Variants in CDKAL1 observed in about 807,000 individuals in gnomAD.
CDKAL1 encodes threonylcarbamoyladenosine tRNA methylthiotransferase.
CDKAL1 carries 32 observed loss-of-function variants against 68.2 expected under a neutral mutation model. The ratio of observed to expected loss-of-function variants is 0.47; its 90% CI spans 0.35 to 0.63. The LOEUF (loss-of-function observed/expected upper bound fraction) is 0.63, where lower values mean the gene tolerates loss of function less well. Among genes scored for constraint, CDKAL1 ranks in the 30% least tolerant of loss-of-function variants. CDKAL1 has a pLI of 0.00. For missense variants in CDKAL1, 606 were observed against 696.7 expected, an observed-to-expected ratio of 0.87 and a Z score of 1.47; for synonymous variants, 234 against 244.3, an observed-to-expected ratio of 0.96 and a Z score of 0.39.
chr6:20,600,915 G>T (rs916513743), intron 4 of CDKAL1, among the ~76,000 whole-genome samples: 1 of 151,824 alleles, frequency 6.6e-6, no homozygotes, highest in South Asian at 2.1e-4. Flanking sequence ...TACAATATTA[G>T]ATTAGGATGA....
chr6:20,833,766 C>G (rs558925817), intron 8 of CDKAL1, among the ~76,000 whole-genome samples: 11 of 152,264 alleles, frequency 7.2e-5, no homozygotes, highest in African/African-American at 2.6e-4. Context: ...CTGAGAATCT[C>G]TCTCCTTTCC....
At chr6:20,589,878 T>C (rs888908641) in intron 4 of CDKAL1, among the ~76,000 whole-genome samples, 10 of 152,230 alleles carry the variant, frequency 6.6e-5, no homozygotes, top group African/African-American at 2.4e-4. Flanking sequence ...GAAATGGTAG[T>C]GCACGGGTTA....
intron 4 of CDKAL1, among the ~76,000 whole-genome samples, chr6:20,551,303 G>A (rs892207264): frequency 4.6e-5 from 7 of 152,060 alleles, no homozygotes; most frequent in South Asian, 4.1e-4. Context: ...AAGACAGCAT[G>A]TAATGATTAA....
At chr6:21,189,916 A>G (rs930792626) in intron 13 of CDKAL1, among the ~76,000 whole-genome samples, 3 of 152,194 alleles carry the variant, frequency 2.0e-5, no homozygotes, top group Admixed American at 6.5e-5. Context: ...GTGAATGAGG[A>G]ATCAAAATGG....
rs548498365 is a variant in CDKAL1 at position 21,232,372 on chromosome 6, T to C, written c.*1333T>C. On this transcript the variant is annotated 3_prime_UTR_variant, in exon 16 of 16. Transcript: ENST00000274695. Reference sequence around the variant, plus strand: ...TTACTAAGTGAAGTGACTTCTTTCTTTAACAATAAATAGAATTGGTATACT... The same window carrying C: ...TTACTAAGTGAAGTGACTTCTTTCTCTAACAATAAATAGAATTGGTATACT... The C allele has an allele frequency of 1.8e-4, 27 of 152,346 alleles. No individual in the cohort carries two copies. The highest frequency in any genetic ancestry group is 6.0e-4 in the African/African-American group (25 of 41,580). The allele number at this position is 152,346 out of a possible 1,614,324, so 9.4% of individuals were successfully genotyped here.
intron 13 of CDKAL1, among the ~76,000 whole-genome samples, chr6:21,154,713 G>A (rs1776561395): frequency 6.6e-6 from 1 of 152,128 alleles, no homozygotes; most frequent in Non-Finnish European, 1.5e-5. Flanking sequence ...GAGTAGGCTG[G>A]GCACAGTGGC....
At chr6:20,586,859 T>A (rs1765379739) in intron 4 of CDKAL1, among the ~76,000 whole-genome samples, 1 of 152,106 alleles carries the variant, frequency 6.6e-6, no homozygotes, top group Admixed American at 6.6e-5. Flanking sequence ...CTTTTCTACT[T>A]CTCTTGACTT....
At chr6:20,658,566 G>GT (rs142204888) in intron 5 of CDKAL1, among the ~76,000 whole-genome samples, 1 of 151,652 alleles carries the variant, frequency 6.6e-6, no homozygotes, top group Admixed American at 6.6e-5. Flanking sequence ...TGAAAATATT[G>GT]TTTATGTAGA....
intron 8 of CDKAL1, among the ~76,000 whole-genome samples, chr6:20,820,366 C>T (rs1777227208): frequency 1.3e-5 from 2 of 152,254 alleles, no homozygotes; most frequent in East Asian, 3.9e-4. Flanking sequence ...GAGTAATTTA[C>T]AGACATTAGC....
intron 5 of CDKAL1, among the ~76,000 whole-genome samples, chr6:20,675,658 G>A (rs767815667): frequency 4.6e-5 from 7 of 152,150 alleles, no homozygotes; most frequent in Admixed American, 1.3e-4. Context: ...GCTGCCAATT[G>A]TGTAAAAGTA....
At chr6:20,811,790 A>C (rs1463690439) in intron 8 of CDKAL1, among the ~76,000 whole-genome samples, 2 of 151,888 alleles carry the variant, frequency 1.3e-5, no homozygotes, top group Non-Finnish European at 2.9e-5. Context: ...AGTAGTAAAA[A>C]AAAAAAAAAA....
At chr6:21,142,961 G>GA (rs1366916352) in intron 13 of CDKAL1, among the ~76,000 whole-genome samples, 2 of 152,084 alleles carry the variant, frequency 1.3e-5, no homozygotes, top group East Asian at 1.9e-4. Context: ...AACTAGTGTA[G>GA]AAAAAAATCC....
At chr6:20,681,055 CCAGTTT>C (rs1770352578) in intron 5 of CDKAL1, among the ~76,000 whole-genome samples, 1 of 152,064 alleles carries the variant, frequency 6.6e-6, no homozygotes, top group African/African-American at 2.4e-5. Context: ...GGAAGGATAC[CCAGTTT>C]CAGTTTCATC....
intron 12 of CDKAL1, among the ~76,000 whole-genome samples, chr6:21,091,907 G>C (rs1654398349): frequency 1.2e-5 from 1 of 82,352 alleles, no homozygotes; most frequent in Admixed American, 1.8e-4. Context: ...TTTTTTTTGA[G>C]ACGGAGGCTC....
At chr6:20,628,384 T>TA (rs1561979385) in intron 4 of CDKAL1, among the ~76,000 whole-genome samples, 1 of 151,976 alleles carries the variant, frequency 6.6e-6, no homozygotes. Flanking sequence ...GGAAATAGAG[T>TA]AGTATGTGAA....
chr6:20,919,414 G>A (rs1561884664), intron 9 of CDKAL1, among the ~76,000 whole-genome samples: 1 of 152,058 alleles, frequency 6.6e-6, no homozygotes, highest in Non-Finnish European at 1.5e-5. Context: ...TAAGTTCTGG[G>A]GTACGTGTGC....
intron 12 of CDKAL1, among the ~76,000 whole-genome samples, chr6:21,104,464 G>A (rs1166679414): frequency 1.3e-5 from 2 of 151,978 alleles, no homozygotes; most frequent in African/African-American, 4.8e-5. Context: ...CTCTATAAAG[G>A]GCCAGATAGT....
intron 12 of CDKAL1, among the ~76,000 whole-genome samples, chr6:21,069,770 CTTTCTTTTTTTTTT>C (rs1410587910): frequency 0.038 from 1,594 of 42,252 alleles, 70 homozygotes; most frequent in African/African-American, 0.087. Context: ...CCCAGATTTT[CTTTCTTTTTTTTTT>C]TTTTTTTTTT....
intron 12 of CDKAL1, among the ~76,000 whole-genome samples, chr6:21,069,059 G>A (rs956272166): frequency 6.6e-6 from 1 of 152,082 alleles, no homozygotes; most frequent in East Asian, 1.9e-4. Flanking sequence ...AATTCTAATA[G>A]TGTTTCTGTA....
Sources: allele counts gnomAD v4.1 joint callset (sites outside exome capture counted in the v4.1 genomes callset), GRCh38; gene constraint gnomAD v4.1.1; transcripts MANE v1.5; gene names NCBI Gene and HGNC (gene_info 2026-07-23, HGNC 2026-07-21).